Variants in TRPM2 observed in about 807,000 individuals in gnomAD.
TRPM2 encodes estrogen-responsive element-associated gene 1 protein.
In TRPM2, 161 loss-of-function variants were observed where a neutral mutation model predicts 174.0. The ratio of observed to expected loss-of-function variants is 0.93; its 90% CI spans 0.81 to 1.05. TRPM2 has a LOEUF of 1.05. Among genes scored for constraint, TRPM2 ranks in the 50% least tolerant of loss-of-function variants. The pLI is 0.00. For missense variants in TRPM2, 2,057 were observed against 2,038.0 expected (o/e 1.01, Z -0.18); for synonymous variants, 954 against 861.3 (o/e 1.11, Z -1.88).
At chr21:44,423,571 G>A in intron 22 of TRPM2, 74 bp from the exon 23 acceptor site, 1 of 1,301,348 alleles carries the variant, frequency 7.7e-7, no homozygotes, top group Non-Finnish European at 1.1e-6. Context: ...TGGCAGGGCT[G>A]TCTGCAGAGC....
At chr21:44,385,423 A>G (rs2048992825) in intron 9 of TRPM2, among the ~76,000 whole-genome samples, 1 of 152,248 alleles carries the variant, frequency 6.6e-6, no homozygotes, top group South Asian at 2.1e-4. Context: ...CTAACTTTAC[A>G]GCTTAAGTAA....
rs116682907 is a variant in TRPM2 at position 44,431,884 on chromosome 21, C to T, written c.3975-3247C>T. Among the ~76,000 whole-genome samples the T allele has an allele frequency of 2.0e-3, 311 of 152,268 alleles. 1 individual carries two copies. Among genetic ancestry groups the T allele is most frequent in the African/African-American group, 6.7e-3 (277 of 41,540 alleles). The stretch of plus-strand genomic sequence containing the variant: ...TGATTCTTGAAATTGAAATGTCCTC[C>T]GTGGCCCGTCTCTACCCTGGGTTGT... On this transcript the variant is annotated intron_variant, in intron 27 of 31. Transcript: ENST00000397928.
Position 44,379,071 on chromosome 21 carries a change from T to C in TRPM2, c.1089T>C (p.Ile363=). 1 of 1,612,738 alleles carries C rather than the reference T, an allele frequency of 6.2e-7. No homozygotes were observed. The highest frequency in any genetic ancestry group is 8.5e-7 in the Non-Finnish European group (1 of 1,179,996). The change falls in exon 8 of 32, where the codon ATT becomes ATC. Residue 363 remains isoleucine (I), a synonymous_variant. Coordinates refer to ENST00000397928, the MANE Select transcript of TRPM2 (RefSeq NM_003307.4). ...GCTCGGGCCGCGTGGCCGACGTCAT[T>C]GCCCAGGTGGCCAACCTGCCTGTCT... ...VEGSGRVADV[I]AQVANLPVSD...
intron 27 of TRPM2, among the ~76,000 whole-genome samples, chr21:44,429,845 A>G (rs1019976496): frequency 2.0e-5 from 3 of 152,164 alleles, no homozygotes; most frequent in African/African-American, 4.8e-5. Flanking sequence ...TATTGGTAAT[A>G]TTAACAGGCT....
Position 44,369,181 on chromosome 21 carries a change from C to T in TRPM2, c.609C>T (p.Ala203=), listed in dbSNP as rs375101437. 21 of 1,606,642 alleles carry T rather than the reference C, an allele frequency of 1.3e-5. No individual in the cohort carries two copies. Among genetic ancestry groups the T allele is most frequent in the East Asian group, 2.2e-5 (1 of 44,706 alleles). The change falls in exon 5 of 32, where the codon GCC becomes GCT. Residue 203 remains alanine (A), a synonymous_variant. Coordinates refer to ENST00000397928, the MANE Select transcript of TRPM2 (RefSeq NM_003307.4). ...CCACCCGTGCTCCTTCCCCAGGGGC[C>T]TGGATCATCACAGGGGGGTCCCACA... The part of the protein sequence containing the change: ...GLVKVAQTTG[A]WIITGGSHTG...
At chr21:44,419,550 C>T (rs74619244) in intron 22 of TRPM2, among the ~76,000 whole-genome samples, 2 of 62 alleles carry the variant, frequency 0.032, no homozygotes, top group Admixed American at 0.25. Context: ...ATGATGGTGG[C>T]TGCGATGGTG....
Position 44,423,802 on chromosome 21 carries a change from G to A in TRPM2, c.3549+70G>A, listed in dbSNP as rs1014088405. ...GCCTGGTGGGCGGCTCTGCCATGTG[G>A]TGGCACCAAGAAGGAGGGCTCTGAG... On this transcript the variant is annotated intron_variant, in intron 23 of 31. Coordinates refer to ENST00000397928, the MANE Select transcript of TRPM2 (RefSeq NM_003307.4). 9.2e-6 allele frequency: 12 copies of A among 1,300,682 alleles called. No homozygotes were observed. In the African/African-American group the frequency reaches 1.2e-4, roughly 13 times the overall value. The allele number at this position is 1,300,682 out of a possible 1,614,324, so 80.6% of individuals were successfully genotyped here. A position where few individuals can be genotyped will look rare whatever the true frequency, so the allele number is the denominator to read the frequency against.
chr21:44,422,205 G>A lies in TRPM2; in HGVS notation c.3462-1440G>A, dbSNP rs2050575103. The A allele has an allele frequency of 3.3e-6, 5 of 1,509,662 alleles. No individual in the cohort carries two copies. The South Asian group carries it at 4.9e-5, about 15-fold the overall frequency. The allele number at this position is 1,509,662 out of a possible 1,614,324, so 93.5% of individuals were successfully genotyped here. A position where few individuals can be genotyped will look rare whatever the true frequency, so the allele number is the denominator to read the frequency against. ...AGCTGGGCACCTGGGAGGCGCATGA[G>A]TGTGGGGTGCCATAACCTTGCAGCA... On this transcript the variant is annotated intron_variant, in intron 22 of 31. Transcript: ENST00000397928.
chr21:44,378,518 G>A (rs1047294467), intron 7 of TRPM2, among the ~76,000 whole-genome samples: 4 of 152,102 alleles, frequency 2.6e-5, no homozygotes, highest in Non-Finnish European at 4.4e-5. Flanking sequence ...CTGCTGGGGC[G>A]GCTGCACCCG....
chr21:44,375,942 A>G lies in TRPM2; in HGVS notation c.881A>G (p.Gln294Arg), dbSNP rs1195185379. 1 of 1,614,134 alleles carries G rather than the reference A, an allele frequency of 6.2e-7. No individual in the cohort carries two copies. Among genetic ancestry groups the G allele is most frequent in the South Asian group, 1.1e-5 (1 of 91,090 alleles). ...CTCGTGGACGACGGGACCCACGGCC[A>G]GTACGGGGTGGAGATTCCTCTGAGG... ...FILVDDGTHGQYGVEIPLRTR... is the reference protein window; with the variant it reads ...FILVDDGTHGRYGVEIPLRTR... Residue 294 changes from glutamine to arginine, a missense_variant, in exon 6 of 32, where the codon CAG (glutamine) becomes CGG (arginine). Transcript: ENST00000397928.
At position 44,391,815 on chromosome 21, in the gene TRPM2, T is replaced by A. The variant is rs1449330311; in HGVS notation, c.1794+190T>A. On this transcript the variant is annotated intron_variant, in intron 11 of 31. Coordinates refer to ENST00000397928, the MANE Select transcript of TRPM2 (RefSeq NM_003307.4). The surrounding 1 kb of genome is among the most constrained non-coding windows in gnomAD (Gnocchi z 5.0). ...AAACTACCAGTTTATTTTCTCGAAGTTCTGGAAGCCCGAAGTCCCAGATTA... is the reference window on the plus strand; with the variant it reads ...AAACTACCAGTTTATTTTCTCGAAGATCTGGAAGCCCGAAGTCCCAGATTA... Among the ~76,000 whole-genome samples, 3 of 152,248 alleles carry A rather than the reference T, an allele frequency of 2.0e-5. No homozygotes were observed. Among genetic ancestry groups the A allele is most frequent in the Non-Finnish European group, 4.4e-5 (3 of 68,042 alleles).
At chr21:44,406,107 C>T in intron 18 of TRPM2, 70 bp downstream of exon 18, 1 of 1,574,608 alleles carries the variant, frequency 6.4e-7, no homozygotes, top group Non-Finnish European at 8.6e-7. Context: ...GGGCAGGCCC[C>T]TTGCCAGTGG....
chr21:44,353,412 G>A (rs1481204088), upstream of TRPM2: 6 of 273,860 alleles, frequency 2.2e-5, no homozygotes, highest in South Asian at 9.4e-5. Flanking sequence ...ATGAACGGCC[G>A]CTGGGACCCC....
intron 27 of TRPM2, among the ~76,000 whole-genome samples, chr21:44,434,284 G>A (rs1395765562): frequency 6.6e-6 from 1 of 151,876 alleles, no homozygotes; most frequent in Admixed American, 6.6e-5. Flanking sequence ...CTGTGGCAGA[G>A]ACGCTGGCAG....
chr21:44,406,004 G>T lies in TRPM2; in HGVS notation c.2757G>T (p.Thr919=), dbSNP rs547910952. ...TGCACATTTTTACCATCAGTAAGAC[G>T]CTGGGGCCCAAGATCATCATTGTGA... ...RLMHIFTISK[T]LGPKIIIVKR... Residue 919 remains threonine, a synonymous_variant, in exon 18 of 32, where the codon ACG becomes ACT. Transcript: ENST00000397928. The T allele has an allele frequency of 1.7e-5, 27 of 1,608,300 alleles. No homozygotes were observed. The South Asian group carries it at 2.4e-4, about 14-fold the overall frequency.
At chr21:44,370,257 C>T (rs2048493944) in intron 5 of TRPM2, among the ~76,000 whole-genome samples, 1 of 152,114 alleles carries the variant, frequency 6.6e-6, no homozygotes, top group Admixed American at 6.5e-5. Context: ...CGAACCGGAG[C>T]TTTTAGCACT....
intron 31 of TRPM2, 59 bp from the exon 32 acceptor site, chr21:44,441,633 G>A (rs2051507818): frequency 5.1e-6 from 8 of 1,558,430 alleles, no homozygotes; most frequent in Non-Finnish European, 6.9e-6. Context: ...AGTCCGTAGG[G>A]CTCAGCTGGG....
At position 44,353,724 on chromosome 21, in the gene TRPM2, A is replaced by G. The variant is rs745539799; in HGVS notation, c.24A>G (p.Lys8=). The part of the protein sequence containing the change: MEPSALR[K]AGSEQEEGFE... The stretch of plus-strand genomic sequence containing the variant: ...GAATGGAGCCCTCAGCCCTGAGGAA[A>G]GCTGGCTCGGAGCAGGAGGAGGGCT... The change falls in exon 1 of 32, where the codon AAA becomes AAG. Residue 8 remains lysine (K), a synonymous_variant. Transcript: ENST00000397928. 4.5e-6 allele frequency: 7 copies of G among 1,561,026 alleles called. No homozygotes were observed. The highest frequency in any genetic ancestry group is 1.2e-5 in the South Asian group (1 of 83,796).
At chr21:44,425,898 CATCCATCTGGT>C in intron 25 of TRPM2, 71 bp downstream of exon 25, 1 of 1,419,160 alleles carries the variant, frequency 7.0e-7, no homozygotes, top group Non-Finnish European at 9.3e-7. Flanking sequence ...GCCCTGTCCC[CATCCATCTGGT>C]ATTAATCCTG....
Sources: allele counts gnomAD v4.1 joint callset (sites outside exome capture counted in the v4.1 genomes callset), GRCh38; gene constraint gnomAD v4.1.1; non-coding constraint Gnocchi (gnomAD v3.1); transcripts MANE v1.5; gene names NCBI Gene and HGNC (gene_info 2026-07-23, HGNC 2026-07-21).